The following DICER1 variants were observed in gnomAD, a reference collection of about 807,000 sequenced individuals.
DICER1 encodes endoribonuclease Dicer.
A neutral mutation model predicts 194.1 loss-of-function variants in DICER1; 43 were observed. The observed-to-expected ratio is 0.22, with a 90% CI of 0.17 to 0.29. The LOEUF (loss-of-function observed/expected upper bound fraction) is 0.29. Ranked by LOEUF, DICER1 falls within the 10% of genes least tolerant of loss-of-function variation. The pLI, the probability that DICER1 is intolerant of heterozygous loss-of-function variation, is 1.00. For synonymous variants in DICER1, 832 were observed against 820.5 expected (o/e 1.01, Z -0.24); for missense variants, 1,608 against 2,317.0 (o/e 0.69, Z 6.28).
In DICER1 at chr14:95,091,372, C is replaced by G. The variant is rs1889822513; in HGVS notation, c.5365-7G>C. 1.2e-6 allele frequency: 2 copies of G among 1,613,898 alleles called. No homozygotes were observed. The highest frequency in any genetic ancestry group is 1.7e-6 in the Non-Finnish European group (2 of 1,179,878). On this transcript the variant is annotated splice_polypyrimidine_tract_variant and splice_region_variant and intron_variant, in intron 24 of 26. Coordinates refer to ENST00000343455, the MANE Select transcript of DICER1 (RefSeq NM_177438.3). ...CCTCCTCAGATCTCCTAAGCTATTA[C>G]AGAGGGAAAAGTGACTTGTAAGCAA...
chr14:95,121,287 C>T (rs1027970976), intron 8 of DICER1, among the ~76,000 whole-genome samples: 1 of 152,142 alleles, frequency 6.6e-6, no homozygotes, highest in Admixed American at 6.5e-5. Context: ...GGATTAAAGA[C>T]ATTATCCCTT....
chr14:95,110,045 C>T (rs1891815076), intron 14 of DICER1, among the ~76,000 whole-genome samples: 1 of 152,054 alleles, frequency 6.6e-6, no homozygotes, highest in Non-Finnish European at 1.5e-5. Flanking sequence ...TAGAAACTGG[C>T]TAAGGGAAAC....
rs1267490300 is a variant in DICER1, at chr14:95,090,504, A to G, written c.5763T>C (p.Asn1921=). The G allele has an allele frequency of 1.2e-6, 2 of 1,613,732 alleles. No individual in the cohort carries two copies. The highest frequency in any genetic ancestry group is 1.7e-6 in the Non-Finnish European group (2 of 1,179,978). Residue 1921 remains asparagine, a synonymous_variant, in exon 27 of 27, where the codon AAT becomes AAC. Transcript: ENST00000343455. The part of the protein sequence containing the change: ...SLKANQPQVP[N]S ...TGAATTTTAAAAAGCGGTTTCAGCT[A>G]TTGGGAACCTGAGGTTGATTAGCTT...
chr14:95,099,484 AAAG>A (rs1447931950), intron 22 of DICER1, among the ~76,000 whole-genome samples: 1 of 152,152 alleles, frequency 6.6e-6, no homozygotes, highest in Admixed American at 6.5e-5. Flanking sequence ...AAATTTTTTT[AAAG>A]AAGAGCAAAA....
Position 95,087,149 on chromosome 14 carries a change from C to T in DICER1, c.*3349G>A, listed in dbSNP as rs1041875974. 8 of 233,120 alleles carry T rather than the reference C, an allele frequency of 3.4e-5. No homozygotes were observed. Among genetic ancestry groups the T allele is most frequent in the East Asian group, 1.8e-4 (3 of 16,458 alleles). 14.4% of individuals were successfully genotyped at this position (233,120 alleles called of 1,614,324 possible). A position where few individuals can be genotyped will look rare whatever the true frequency, so the allele number is the denominator to read the frequency against. ...GCCTCCAGGGAGCGACTGAAGAAGCCGACTGCCGGGGGAACACCTGGATTC... is the reference window on the plus strand; with the variant it reads ...GCCTCCAGGGAGCGACTGAAGAAGCTGACTGCCGGGGGAACACCTGGATTC... On this transcript the variant is annotated 3_prime_UTR_variant, in exon 27 of 27. Coordinates refer to ENST00000343455, the MANE Select transcript of DICER1 (RefSeq NM_177438.3).
At position 95,087,618 on chromosome 14, in the gene DICER1, TGAACA is replaced by T. The variant is rs1323580940; in HGVS notation, c.*2875_*2879del. On this transcript the variant is annotated 3_prime_UTR_variant, in exon 27 of 27. Coordinates refer to ENST00000343455, the MANE Select transcript of DICER1 (RefSeq NM_177438.3). ...AAGTGCAATGCTTATCTGTGCTACA[TGAACA>T]GAACAGAAGGGAAAAAGCTATTATA... 2 of 233,094 alleles carry T rather than the reference TGAACA, an allele frequency of 8.6e-6. No homozygotes were observed. Among genetic ancestry groups the T allele is most frequent in the African/African-American group, 4.4e-5 (2 of 45,344 alleles). 14.4% of individuals were successfully genotyped at this position (233,094 alleles called of 1,614,324 possible).
At chr14:95,121,393 T>C (rs1276067603) in intron 8 of DICER1, among the ~76,000 whole-genome samples, 1 of 152,208 alleles carries the variant, frequency 6.6e-6, no homozygotes, top group Non-Finnish European at 1.5e-5. Flanking sequence ...CTGGAGTTAA[T>C]AGTAATGGGC....
intron 4 of DICER1, among the ~76,000 whole-genome samples, chr14:95,130,768 C>T (rs900770659): frequency 5.3e-5 from 8 of 152,192 alleles, no homozygotes; most frequent in African/African-American, 1.9e-4. Context: ...TACATGGAAA[C>T]ATGTAAGTTA....
Position 95,133,452 on chromosome 14 carries a change from T to G in DICER1, c.7A>C (p.Ser3Arg), listed in dbSNP as rs1894132635. 6.8e-6 allele frequency: 11 copies of G among 1,612,798 alleles called. No homozygotes were observed. The highest frequency in any genetic ancestry group is 9.3e-6 in the Non-Finnish European group (11 of 1,179,306). The change falls in exon 2 of 27, where the codon AGC becomes CGC. Residue 3 changes from serine (S) to arginine (R), a missense_variant. Ser to Arg is a moderately radical substitution (Grantham distance 110, BLOSUM62 -1). Around this residue, in one of 10 missense-constraint regions of DICER1, gnomAD observed 657 missense variants for 910.1 expected, o/e 0.72. Transcript: ENST00000343455. MK[S>R]PALQPLSMAG... ...ATGCTGAGGGGTTGCAAAGCAGGGCTTTTCATTCATCCAGTGTTTCTTTCA... is the reference window on the plus strand; with the variant it reads ...ATGCTGAGGGGTTGCAAAGCAGGGCGTTTCATTCATCCAGTGTTTCTTTCA...
intron 1 of DICER1, among the ~76,000 whole-genome samples, chr14:95,151,494 CT>C (rs201417242): frequency 1.3e-5 from 2 of 151,896 alleles, no homozygotes; most frequent in African/African-American, 4.8e-5. Context: ...TAAGAAACTC[CT>C]TTTTTTTCTC....
At chr14:95,154,938 A>T (rs1895745704) in intron 1 of DICER1, among the ~76,000 whole-genome samples, 1 of 152,160 alleles carries the variant, frequency 6.6e-6, no homozygotes, top group African/African-American at 2.4e-5. Context: ...AAGGTTAGAC[A>T]CAGCTTCATT....
intron 21 of DICER1, 31 bp downstream of exon 21, chr14:95,103,314 TA>T: frequency 6.2e-7 from 1 of 1,606,328 alleles, no homozygotes; most frequent in Non-Finnish European, 8.5e-7. Context: ...ACTGAATAAT[TA>T]ACTGCTCAAA....
At position 95,115,647 on chromosome 14, in the gene DICER1, C is replaced by G; in HGVS notation, c.1907+20G>C. 6.2e-7 allele frequency: 1 copy of G among 1,613,894 alleles called. No homozygotes were observed. The highest frequency in any genetic ancestry group is 8.5e-7 in the Non-Finnish European group (1 of 1,179,802). ...GTGCAACATTCCCAGGTTTTCCACA[C>G]AAATGATATGATGCCATACCTATTG... On this transcript the variant is annotated intron_variant, in intron 11 of 26. Coordinates refer to ENST00000343455, the MANE Select transcript of DICER1 (RefSeq NM_177438.3).
rs1555371866 is a variant in DICER1, at chr14:95,112,255, T to C, written c.2041-8A>G. ...ACAGCTCATTGGTGGACCCTGAAAA[T>C]AACAAAAACCTTTCCATTATATATG... is the stretch of plus-strand genomic sequence containing the variant. On this transcript the variant is annotated splice_polypyrimidine_tract_variant and splice_region_variant and intron_variant, in intron 12 of 26. Coordinates refer to ENST00000343455, the MANE Select transcript of DICER1 (RefSeq NM_177438.3). The C allele has an allele frequency of 6.2e-7, 1 of 1,613,546 alleles. No individual in the cohort carries two copies. The highest frequency in any genetic ancestry group is 8.5e-7 in the Non-Finnish European group (1 of 1,179,566).
chr14:95,129,879 A>T (rs1297900837), intron 5 of DICER1, among the ~76,000 whole-genome samples, 179 bp downstream of exon 5: 2 of 152,226 alleles, frequency 1.3e-5, no homozygotes. Flanking sequence ...ATTTATTATG[A>T]TGTTTAAAAG....
In DICER1 at chr14:95,089,519, C is replaced by T; in HGVS notation, c.*979G>A. The T allele has an allele frequency of 4.3e-6, 1 of 232,138 alleles. No individual in the cohort carries two copies. The highest frequency in any genetic ancestry group is 8.5e-6 in the Non-Finnish European group (1 of 117,444). The allele number at this position is 232,138 out of a possible 1,614,324, so 14.4% of individuals were successfully genotyped here. On this transcript the variant is annotated 3_prime_UTR_variant, in exon 27 of 27. Transcript: ENST00000343455. ...TTTGTTAGAGCAACAGCCTAGAAGGCAAAATTATTTGCCATAAACATTTCC... is the reference window on the plus strand; with the variant it reads ...TTTGTTAGAGCAACAGCCTAGAAGGTAAAATTATTTGCCATAAACATTTCC...
chr14:95,146,516 G>C (rs1895145470), intron 1 of DICER1, among the ~76,000 whole-genome samples: 2 of 152,180 alleles, frequency 1.3e-5, no homozygotes, highest in Non-Finnish European at 2.9e-5. Context: ...TCCCCTTTCT[G>C]CTGAGAACTG....
chr14:95,115,278 G>A (rs895947669), intron 11 of DICER1, among the ~76,000 whole-genome samples: 2 of 152,028 alleles, frequency 1.3e-5, no homozygotes, highest in Non-Finnish European at 2.9e-5. Context: ...AAATTACAAT[G>A]TACCCAAAAA....
intron 14 of DICER1, among the ~76,000 whole-genome samples, chr14:95,109,561 ATT>A (rs1458946951): frequency 1.3e-5 from 2 of 152,188 alleles, no homozygotes; most frequent in African/African-American, 2.4e-5. Flanking sequence ...AACACTTATC[ATT>A]AACGACTTTA....
Sources: allele counts gnomAD v4.1 joint callset (sites outside exome capture counted in the v4.1 genomes callset), GRCh38; gene constraint gnomAD v4.1.1; regional missense constraint gnomAD v4.1.1; transcripts MANE v1.5; gene names NCBI Gene and HGNC (gene_info 2026-07-23, HGNC 2026-07-21).